SMCO2: variants seen among roughly 807,000 people sequenced by gnomAD.
SMCO2 encodes single-pass membrane protein with coiled-coil domains 2.
In SMCO2, 25 loss-of-function variants were observed where a neutral mutation model predicts 29.5. The ratio of observed to expected loss-of-function variants is 0.85; its 90% CI spans 0.62 to 1.18. The LOEUF is 1.18. SMCO2 is among the 50% of genes most tolerant of loss of function. SMCO2 has a pLI of 0.00. For synonymous variants in SMCO2, 117 were observed against 123.3 expected (o/e 0.95, Z 0.34); for missense variants, 348 against 344.5 (o/e 1.01, Z -0.08).
At chr12:27,449,060 C>T in the SMCO2 span, among the ~76,000 whole-genome samples, 5 of 152,318 alleles carry the variant, frequency 3.3e-5, no homozygotes, top group East Asian at 9.6e-4. Flanking sequence ...AGGTCTCAGC[C>T]ACCCTGCAGG....
At chr12:27,486,082 G>A (rs1195264070) in intron 4 of SMCO2, among the ~76,000 whole-genome samples, 1 of 152,174 alleles carries the variant, frequency 6.6e-6, no homozygotes, top group Non-Finnish European at 1.5e-5. Flanking sequence ...ATTATTCTCA[G>A]CACTGCTTGA....
chr12:27,441,563 C>T, the SMCO2 span, among the ~76,000 whole-genome samples: 1,194 of 152,222 alleles, frequency 7.8e-3, 17 homozygotes, highest in African/African-American at 0.027. Context: ...GCACCTAACA[C>T]CAGAGCTCCC....
At chr12:27,447,372 T>C in the SMCO2 span, among the ~76,000 whole-genome samples, 2 of 152,142 alleles carry the variant, frequency 1.3e-5, no homozygotes, top group African/African-American at 4.8e-5. Context: ...CACACCTCTC[T>C]ACCTGGCTAA....
chr12:27,494,147 A>T (rs759498968), intron 5 of SMCO2, 153 bp from the exon 7 acceptor site: 14 of 473,134 alleles, frequency 3.0e-5, no homozygotes, highest in Non-Finnish European at 4.9e-5. Flanking sequence ...TTATGATTAC[A>T]CTATGAATTT....
intron 1 of SMCO2, among the ~76,000 whole-genome samples, chr12:27,468,049 T>C (rs1412572233): frequency 6.6e-6 from 1 of 152,200 alleles, no homozygotes; most frequent in Admixed American, 6.5e-5. Flanking sequence ...TTAAGCACAA[T>C]TTTACTCCTC....
At chr12:27,472,946 G>GCCA in intron 3 of SMCO2, 71 bp downstream of exon 3, 1 of 1,071,824 alleles carries the variant, frequency 9.3e-7, no homozygotes, top group Non-Finnish European at 1.4e-6. Context: ...ACTTCACGCC[G>GCCA]CATATCTTAA....
chr12:27,461,196 T>C, the SMCO2 span, among the ~76,000 whole-genome samples: 1 of 152,228 alleles, frequency 6.6e-6, no homozygotes, highest in Non-Finnish European at 1.5e-5. Context: ...CAATATTATA[T>C]TGTATTGTTC....
chr12:27,497,858 C>G, intron 7 of SMCO2: 1 of 311,234 alleles, frequency 3.2e-6, no homozygotes, highest in Non-Finnish European at 6.2e-6. Flanking sequence ...TGGACAATCT[C>G]TGCACTTCCA....
At chr12:27,459,429 T>TATGGGTA in the SMCO2 span, among the ~76,000 whole-genome samples, 1 of 151,952 alleles carries the variant, frequency 6.6e-6, no homozygotes. Flanking sequence ...ATCAAGTACA[T>TATGGGTA]ATGGGTACAA....
At chr12:27,495,919 G>T in intron 7 of SMCO2, 64 bp downstream of exon 8, 3 of 1,293,806 alleles carry the variant, frequency 2.3e-6, no homozygotes, top group Admixed American at 3.1e-5. Flanking sequence ...GATTATGCTG[G>T]GATTGATTTT....
At chr12:27,477,952 A>T (rs1949604379) in intron 4 of SMCO2, among the ~76,000 whole-genome samples, 1 of 151,950 alleles carries the variant, frequency 6.6e-6, no homozygotes, top group African/African-American at 2.4e-5. Context: ...ACTCCTTTGG[A>T]GATGTCATGT....
the SMCO2 span, among the ~76,000 whole-genome samples, chr12:27,459,431 T>C: frequency 1.3e-5 from 2 of 151,954 alleles, no homozygotes; most frequent in African/African-American, 4.8e-5. Flanking sequence ...CAAGTACATA[T>C]GGGTACAAAC....
chr12:27,435,563 C>T, the SMCO2 span, among the ~76,000 whole-genome samples: 2 of 149,614 alleles, frequency 1.3e-5, no homozygotes, highest in Non-Finnish European at 3.0e-5. Flanking sequence ...TCCCCCATCT[C>T]TCTCCTCTCT....
the SMCO2 span, among the ~76,000 whole-genome samples, chr12:27,434,222 G>T: frequency 6.6e-6 from 1 of 152,178 alleles, no homozygotes. Context: ...CTGGGAGCTT[G>T]TCAGGAATGC....
rs113392156 is a variant in SMCO2 at position 27,501,522 on chromosome 12, C to T, written c.684-401C>T. On this transcript the variant is annotated intron_variant, in intron 7 of 7. Transcript: ENST00000298876. ...CAGGACAAAAACTAGGGGCAAAGAG[C>T]TCTGAATTCCCTTTATCACGTTATA... 7.5e-4 allele frequency among the ~76,000 whole-genome samples: 112 copies of T among 149,838 alleles called. 9 individuals carry two copies. Among genetic ancestry groups the T allele is most frequent in the African/African-American group, 2.7e-3 (106 of 39,904 alleles).
At chr12:27,434,499 A>G in the SMCO2 span, among the ~76,000 whole-genome samples, 121,810 of 152,120 alleles carry the variant, frequency 0.8, 49,243 homozygotes, top group Middle Eastern at 0.94. Context: ...ATGAGCTGTC[A>G]AACAATGACC....
At chr12:27,460,561 C>T in the SMCO2 span, among the ~76,000 whole-genome samples, 4 of 151,562 alleles carry the variant, frequency 2.6e-5, no homozygotes, top group East Asian at 5.8e-4. Flanking sequence ...TCCTTGTGAT[C>T]GTCAGGTTGA....
the SMCO2 span, among the ~76,000 whole-genome samples, chr12:27,444,200 C>A: frequency 1.2e-4 from 18 of 152,298 alleles, no homozygotes; most frequent in Admixed American, 8.5e-4. Context: ...CACGCATTTA[C>A]AACCAACTCA....
chr12:27,498,431 TCA>T (rs1223061420), intron 7 of SMCO2: 3 of 216,618 alleles, frequency 1.4e-5, no homozygotes, highest in Non-Finnish European at 2.9e-5. Context: ...GCAGCTACTT[TCA>T]CAGAGTTCTA....
Sources: gnomAD v4.1 joint callset for allele counts (sites outside exome capture counted in the v4.1 genomes callset) on GRCh38, gnomAD v4.1.1 for gene constraint, MANE v1.5 for transcripts, NCBI Gene and HGNC (gene_info 2026-07-23, HGNC 2026-07-21) for gene names.